The following RIBC2 variants were observed in gnomAD, a reference collection of about 807,000 sequenced individuals.
RIBC2 encodes the protein RIB43A-like with coiled-coils protein 2.
A neutral mutation model predicts 44.3 loss-of-function variants in RIBC2; 40 were observed. The ratio of observed to expected loss-of-function variants is 0.90; its 90% CI spans 0.70 to 1.18. RIBC2 has a LOEUF of 1.18. Among genes scored for constraint, RIBC2 ranks in the 50% most tolerant of loss-of-function variants. The probability of loss-of-function intolerance (pLI) is 0.00; values close to 1 mark genes in which losing one functional copy is unlikely to be tolerated. For synonymous variants in RIBC2, 171 were observed against 175.0 expected, an observed-to-expected ratio of 0.98 and a Z score of 0.18; for missense variants, 459 against 485.5, an observed-to-expected ratio of 0.95 and a Z score of 0.51.
At chr22:45,426,205 C>T in intron 5 of RIBC2, 30 bp downstream of exon 5, 1 of 1,579,406 alleles carries the variant, frequency 6.3e-7, no homozygotes, top group Non-Finnish European at 8.7e-7. Flanking sequence ...TTCCAGAGCC[C>T]ATAGAGCCAG....
chr22:45,418,055 A>G, intron 3 of RIBC2, 109 bp downstream of exon 3: 1 of 745,446 alleles, frequency 1.3e-6, no homozygotes, highest in Non-Finnish European at 2.1e-6. Context: ...TTTTTTAAGC[A>G]ACCCTACAGT....
At chr22:45,428,042 G>T (rs948371141) in intron 5 of RIBC2, among the ~76,000 whole-genome samples, 1 of 152,226 alleles carries the variant, frequency 6.6e-6, no homozygotes. Context: ...AGAAGGGGCC[G>T]CCAGGGAGGT....
rs1324149227 is a variant in RIBC2 at position 45,421,574 on chromosome 22, GTAT to G, written c.557-710_557-708del. 3.4e-4 allele frequency among the ~76,000 whole-genome samples: 23 copies of G among 68,586 alleles called. 1 individual carries two copies. The highest frequency in any genetic ancestry group is 2.2e-3 in the East Asian group (5 of 2,272). 45.0% of individuals were successfully genotyped at this position (68,586 alleles called of 152,430 possible). A position where few individuals can be genotyped will look rare whatever the true frequency, so the allele number is the denominator to read the frequency against. On this transcript the variant is annotated intron_variant, in intron 3 of 6. Transcript: ENST00000614167. ...AATAATAATAGTATTATTAATAATA[GTAT>G]TATTAATAATAATAATAGTATTATT...
intron 4 of RIBC2, among the ~76,000 whole-genome samples, chr22:45,424,085 T>G (rs559997334): frequency 2.5e-4 from 38 of 152,248 alleles, no homozygotes; most frequent in African/African-American, 8.4e-4. Flanking sequence ...AGATGTTTAA[T>G]GGGCATCCAC....
chr22:45,417,496 T>TTAAAA, intron 2 of RIBC2, 106 bp from the exon 3 acceptor site: 1 of 866,496 alleles, frequency 1.2e-6, no homozygotes, highest in South Asian at 2.0e-5. Context: ...CCAGGCAACA[T>TTAAAA]AATGAGGCCC....
At chr22:45,430,241 C>T (rs1271112281) in intron 5 of RIBC2, among the ~76,000 whole-genome samples, 8 of 152,164 alleles carry the variant, frequency 5.3e-5, no homozygotes, top group South Asian at 2.1e-4. Context: ...AAATGGCAAA[C>T]GTGGGCAAAG....
chr22:45,432,239 G>T, intron 6 of RIBC2, 45 bp from the exon 7 acceptor site: 1 of 1,002,192 alleles, frequency 1.0e-6, no homozygotes, highest in Non-Finnish European at 1.5e-6. Context: ...AGAATAGGAA[G>T]TATACACATT....
At chr22:45,427,066 T>A (rs2087541000) in intron 5 of RIBC2, among the ~76,000 whole-genome samples, 1 of 152,178 alleles carries the variant, frequency 6.6e-6, no homozygotes, top group South Asian at 2.1e-4. Context: ...AGAGTTACAA[T>A]TTTGGATACG....
intron 5 of RIBC2, among the ~76,000 whole-genome samples, chr22:45,429,560 C>T (rs2087561317): frequency 6.6e-6 from 1 of 151,986 alleles, no homozygotes; most frequent in African/African-American, 2.4e-5. Flanking sequence ...TGGGGCAGCT[C>T]GTCCACCTGC....
At chr22:45,424,757 T>TC (rs1351254643) in intron 4 of RIBC2, among the ~76,000 whole-genome samples, 15 of 148,556 alleles carry the variant, frequency 1.0e-4, no homozygotes, top group Admixed American at 8.0e-4. Flanking sequence ...TTTTTTCTTT[T>TC]TTTTTTTTTT....
intron 2 of RIBC2, 66 bp from the exon 3 acceptor site, chr22:45,417,536 A>G: frequency 1.6e-6 from 2 of 1,260,156 alleles, no homozygotes; most frequent in Non-Finnish European, 1.1e-6. Flanking sequence ...AATAAAAAAT[A>G]AAATGGATTC....
rs1200791185 is a variant in RIBC2 at position 45,425,949 on chromosome 22, C to T, written c.677C>T (p.Ala226Val). 1 of 1,612,718 alleles carries T rather than the reference C, an allele frequency of 6.2e-7. No homozygotes were observed. Among genetic ancestry groups the T allele is most frequent in the East Asian group, 2.2e-5 (1 of 44,872 alleles). Reference sequence around the variant, plus strand: ...TCTTTAATGTCTTCACCTGCTTAGGCCATCGAGTCAGTGGAAAGGAAAAAG... The same window carrying T: ...TCTTTAATGTCTTCACCTGCTTAGGTCATCGAGTCAGTGGAAAGGAAAAAG... ...ASVKDFNKSQAIESVERKKQE... is the reference protein window; with the variant it reads ...ASVKDFNKSQVIESVERKKQE... The change falls in exon 5 of 7, where the codon GCC (alanine) becomes GTC (valine). Residue 226 changes from alanine to valine, a missense_variant and splice_region_variant. Physicochemically the swap from Ala to Val is moderately conservative, Grantham distance 64 (BLOSUM62 0). Transcript: ENST00000614167.
chr22:45,422,581 C>T lies in RIBC2; in HGVS notation c.675+173C>T, dbSNP rs117010935. On this transcript the variant is annotated intron_variant, in intron 4 of 6. Transcript: ENST00000614167. ...TGCCTGATGACAGAGATGGATGAGA[C>T]CCAGTCCTGTGCCTTAGCTCTGAAT... is the stretch of plus-strand genomic sequence containing the variant. 5.2e-3 allele frequency: 3,310 copies of T among 637,370 alleles called. 127 individuals are homozygous for T. The East Asian group carries it at 0.074, about 14-fold the overall frequency. 39.5% of individuals were successfully genotyped at this position (637,370 alleles called of 1,614,324 possible). A position where few individuals can be genotyped will look rare whatever the true frequency, so the allele number is the denominator to read the frequency against.
At chr22:45,424,593 G>A (rs1028388297) in intron 4 of RIBC2, among the ~76,000 whole-genome samples, 1 of 152,216 alleles carries the variant, frequency 6.6e-6, no homozygotes, top group African/African-American at 2.4e-5. Flanking sequence ...TGGACAGGCT[G>A]TGAGGCCTGT....
At chr22:45,416,750 A>ACACCCAGCCTCAGGTT in intron 2 of RIBC2, among the ~76,000 whole-genome samples, 1 of 152,040 alleles carries the variant, frequency 6.6e-6, no homozygotes, top group Non-Finnish European at 1.5e-5. Context: ...GTGAGCCACC[A>ACACCCAGCCTCAGGTT]TGCCTGGCCG....
chr22:45,424,753 C>CT (rs3071820), intron 4 of RIBC2, among the ~76,000 whole-genome samples: 48,706 of 124,356 alleles, frequency 0.39, 10,439 homozygotes, highest in East Asian at 0.51. Context: ...TTTCTTTTTT[C>CT]TTTTTTTTTT....
At chr22:45,418,006 G>A (rs931156838) in intron 3 of RIBC2, 60 bp downstream of exon 3, 2 of 597,680 alleles carry the variant, frequency 3.3e-6, no homozygotes, top group Non-Finnish European at 5.2e-6. Flanking sequence ...CAACCCTACA[G>A]TTTTTTTTTT....
At position 45,432,463 on chromosome 22, in the gene RIBC2, C is replaced by A; in HGVS notation, c.*101C>A. ...GATACACTCCTTGGGCCACAAGTAC[C>A]CTTCAGCTGTAATCGTCCACTGTGG... On this transcript the variant is annotated 3_prime_UTR_variant, in exon 7 of 7. Transcript: ENST00000614167. The A allele has an allele frequency of 1.4e-6, 1 of 726,128 alleles. No individual in the cohort carries two copies. Among genetic ancestry groups the A allele is most frequent in the East Asian group, 2.6e-5 (1 of 38,254 alleles). The allele number at this position is 726,128 out of a possible 1,614,324, so 45.0% of individuals were successfully genotyped here.
chr22:45,423,087 T>TC (rs1451681375), intron 4 of RIBC2, among the ~76,000 whole-genome samples: 1 of 152,008 alleles, frequency 6.6e-6, no homozygotes, highest in African/African-American at 2.4e-5. Context: ...GCTCAGATGA[T>TC]CCCCCCACCT....
Sources: gnomAD v4.1 joint callset for allele counts (sites outside exome capture counted in the v4.1 genomes callset) on GRCh38, gnomAD v4.1.1 for gene constraint, MANE v1.5 for transcripts, NCBI Gene and HGNC (gene_info 2026-07-23, HGNC 2026-07-21) for gene names.